Variants in CNTN1 observed in about 807,000 individuals in gnomAD.
CNTN1 encodes the protein contactin-1.
CNTN1 carries 38 observed loss-of-function variants against 126.4 expected under a neutral mutation model. That is an observed-to-expected ratio of 0.30 (90% CI 0.23 to 0.39). CNTN1 has a LOEUF of 0.39. Among genes scored for constraint, CNTN1 ranks in the 10% least tolerant of loss-of-function variants. The pLI, the probability that CNTN1 is intolerant of heterozygous loss-of-function variation, is 1.00. For synonymous variants in CNTN1, 413 were observed against 422.6 expected (o/e 0.98, Z 0.28); for missense variants, 1,009 against 1,248.4 (o/e 0.81, Z 2.89).
At chr12:40,960,135 A>C (rs1207136851) in intron 15 of CNTN1, among the ~76,000 whole-genome samples, 1 of 151,874 alleles carries the variant, frequency 6.6e-6, no homozygotes, top group Non-Finnish European at 1.5e-5. Flanking sequence ...GATCTTCTGA[A>C]TTTTCATAAC....
chr12:40,921,915 G>A (rs576131796), intron 4 of CNTN1, among the ~76,000 whole-genome samples: 1 of 152,260 alleles, frequency 6.6e-6, no homozygotes, highest in South Asian at 2.1e-4. Context: ...ATCTGCATAT[G>A]TATGAATCTA....
intron 1 of CNTN1, among the ~76,000 whole-genome samples, chr12:40,879,693 T>C (rs1377480834): frequency 6.6e-6 from 1 of 152,142 alleles, no homozygotes. Context: ...CATAGATTTG[T>C]TCTTGATTTC....
At chr12:40,926,106 G>A (rs1292706485) in intron 6 of CNTN1, among the ~76,000 whole-genome samples, 1 of 150,974 alleles carries the variant, frequency 6.6e-6, no homozygotes, top group East Asian at 2.0e-4. Context: ...GTCTTCCACG[G>A]GGAGAGTCAG....
intron 1 of CNTN1, among the ~76,000 whole-genome samples, chr12:40,834,465 A>C (rs1191666115): frequency 6.6e-6 from 1 of 152,164 alleles, no homozygotes; most frequent in Non-Finnish European, 1.5e-5. Context: ...ATGGAAGGGC[A>C]GCAAGGTAGG....
At position 40,774,163 on chromosome 12, in the gene CNTN1, C is replaced by T. The variant is rs912047569; in HGVS notation, c.-77+81571C>T. On this transcript the variant is annotated intron_variant, in intron 1 of 23. Coordinates refer to ENST00000551295, the MANE Select transcript of CNTN1 (RefSeq NM_001843.4). ...AATAACTTGGTTGATATAGGTGGGACGAGTTGATCAGGGAAGAGAGAAGCT... is the reference window on the plus strand; with the variant it reads ...AATAACTTGGTTGATATAGGTGGGATGAGTTGATCAGGGAAGAGAGAAGCT... Among the ~76,000 whole-genome samples the T allele has an allele frequency of 1.1e-4, 16 of 151,500 alleles. 1 individual carries two copies. The highest frequency in any genetic ancestry group is 7.9e-4 in the Admixed American group (12 of 15,166).
At chr12:40,775,913 G>T (rs1336878865) in intron 1 of CNTN1, among the ~76,000 whole-genome samples, 2 of 151,554 alleles carry the variant, frequency 1.3e-5, no homozygotes, top group African/African-American at 4.8e-5. Context: ...GTAGTATGTT[G>T]TCACTGCATA....
intron 1 of CNTN1, among the ~76,000 whole-genome samples, chr12:40,860,988 G>C (rs527390349): frequency 5.9e-5 from 9 of 152,088 alleles, no homozygotes; most frequent in Admixed American, 5.2e-4. Flanking sequence ...AATTCCAAAA[G>C]CTTTAGGAGC....
intron 1 of CNTN1, among the ~76,000 whole-genome samples, chr12:40,788,134 G>A (rs758425377): frequency 5.3e-5 from 8 of 152,014 alleles, no homozygotes; most frequent in Non-Finnish European, 8.8e-5. Context: ...TCCTCCCATC[G>A]TCCAAGATTC....
intron 1 of CNTN1, among the ~76,000 whole-genome samples, chr12:40,813,026 T>TTTTCTTTCCTTTC (rs1439960352): frequency 0.058 from 2,380 of 41,176 alleles, 109 homozygotes; most frequent in African/African-American, 0.13. Flanking sequence ...CTTTCTTTCT[T>TTTTCTTTCCTTTC]TCTCTTTCTT....
intron 1 of CNTN1, among the ~76,000 whole-genome samples, chr12:40,808,825 A>G (rs1332525010): frequency 6.6e-6 from 1 of 152,176 alleles, no homozygotes; most frequent in Non-Finnish European, 1.5e-5. Context: ...ACAAACGAAC[A>G]AATAAACAAA....
At chr12:41,000,912 C>T (rs1948345016) in intron 17 of CNTN1, among the ~76,000 whole-genome samples, 1 of 152,174 alleles carries the variant, frequency 6.6e-6, no homozygotes, top group Non-Finnish European at 1.5e-5. Context: ...CACTAATTTG[C>T]TAAGGATAAT....
chr12:40,701,636 A>G (rs1260244691), intron 1 of CNTN1, among the ~76,000 whole-genome samples: 4 of 152,160 alleles, frequency 2.6e-5, no homozygotes, highest in African/African-American at 9.7e-5. Flanking sequence ...ATATTTGTAA[A>G]TGCCTAATGG....
intron 14 of CNTN1, among the ~76,000 whole-genome samples, chr12:40,950,597 C>T (rs747742481): frequency 6.6e-6 from 1 of 152,102 alleles, no homozygotes; most frequent in Non-Finnish European, 1.5e-5. Context: ...TTTTTCTTAT[C>T]AGTAGTTAGT....
intron 17 of CNTN1, among the ~76,000 whole-genome samples, chr12:40,995,757 T>A (rs968727501): frequency 1.3e-5 from 2 of 152,088 alleles, no homozygotes; most frequent in Admixed American, 6.6e-5. Context: ...AAAAAAAAAA[T>A]TAATTCTGTA....
chr12:40,971,555 T>A (rs750902127), intron 15 of CNTN1: 22 of 1,564,066 alleles, frequency 1.4e-5, no homozygotes, highest in East Asian at 7.0e-5. Context: ...TTTTTTTTTT[T>A]AACATATTAT....
chr12:40,922,527 T>G (rs543447149), intron 5 of CNTN1, 99 bp downstream of exon 5: 393 of 1,117,210 alleles, frequency 3.5e-4, no homozygotes, highest in Non-Finnish European at 5.0e-4. Flanking sequence ...GCATCATAGA[T>G]GAGGTGGATC....
chr12:40,771,626 T>A, intron 1 of CNTN1, among the ~76,000 whole-genome samples: 1 of 151,968 alleles, frequency 6.6e-6, no homozygotes, highest in East Asian at 1.9e-4. Context: ...GTATTGCTGC[T>A]TTCATGAGCA....
chr12:40,929,820 T>C lies in CNTN1; in HGVS notation c.521T>C (p.Leu174Pro). The part of the protein sequence containing the change: ...FPDDLSYRWL[L>P]NEFPVFITMD... The stretch of plus-strand genomic sequence containing the variant: ...GATGATCTTAGCTATCGCTGGCTTC[T>C]AAATGAATTTCCTGTATTTATCACA... The change falls in exon 7 of 24, where the codon CTA becomes CCA. Residue 174 changes from leucine to proline, a missense_variant. Coordinates refer to ENST00000551295, the MANE Select transcript of CNTN1 (RefSeq NM_001843.4). 1 of 1,612,246 alleles carries C rather than the reference T, an allele frequency of 6.2e-7. No individual in the cohort carries two copies. Among genetic ancestry groups the C allele is most frequent in the Non-Finnish European group, 8.5e-7 (1 of 1,178,798 alleles).
rs1948133466 is a variant in CNTN1 at position 40,993,181 on chromosome 12, G to A, written c.2025G>A (p.Met675Ile). The A allele has an allele frequency of 1.2e-6, 2 of 1,613,482 alleles. No homozygotes were observed. The highest frequency in any genetic ancestry group is 1.7e-6 in the Non-Finnish European group (2 of 1,179,420). Residue 675 changes from methionine (M) to isoleucine (I), a missense_variant, in exon 17 of 24, where the codon ATG becomes ATA. Physicochemically the swap from Met to Ile is conservative, Grantham distance 10. Transcript: ENST00000551295. Reference sequence around the variant, plus strand: ...GAGCAGTGGACTTAATCCCATGGATGGAGTATGAATTCCGCGTGGTAGCAA... The same window carrying A: ...GAGCAGTGGACTTAATCCCATGGATAGAGTATGAATTCCGCGTGGTAGCAA... ...AARAVDLIPW[M>I]EYEFRVVATN...
Sources: allele counts gnomAD v4.1 joint callset (sites outside exome capture counted in the v4.1 genomes callset), GRCh38; gene constraint gnomAD v4.1.1; transcripts MANE v1.5; gene names NCBI Gene and HGNC (gene_info 2026-07-23, HGNC 2026-07-21).